The following MCTP2 variants were observed in gnomAD, a reference collection of about 807,000 sequenced individuals.
MCTP2 encodes multiple C2 and transmembrane domain-containing protein 2.
In MCTP2, 132 loss-of-function variants were observed where a neutral mutation model predicts 111.6. That is an observed-to-expected ratio of 1.18 (90% CI 1.03 to 1.37). MCTP2 has a LOEUF of 1.37. MCTP2 is among the 40% of genes most tolerant of loss of function. The pLI is 0.00. For missense variants in MCTP2, 1,183 were observed against 1,067.9 expected (o/e 1.11, Z -1.50); for synonymous variants, 395 against 387.7 (o/e 1.02, Z -0.22).
At chr15:94,463,474 T>C (rs1321666901) in intron 20 of MCTP2, among the ~76,000 whole-genome samples, 1 of 152,194 alleles carries the variant, frequency 6.6e-6, no homozygotes, top group Non-Finnish European at 1.5e-5. Flanking sequence ...TAAACTTAGT[T>C]ATCTTATTTT....
chr15:94,439,798 G>A (rs981420426), intron 17 of MCTP2, among the ~76,000 whole-genome samples: 1 of 152,292 alleles, frequency 6.6e-6, no homozygotes, highest in Admixed American at 6.5e-5. Context: ...AATATTGGCA[G>A]CCAACTGAAA....
At chr15:94,462,164 G>A (rs2085255903) in intron 20 of MCTP2, among the ~76,000 whole-genome samples, 2 of 152,230 alleles carry the variant, frequency 1.3e-5, no homozygotes, top group Non-Finnish European at 2.9e-5. Flanking sequence ...GGGGCAGCCA[G>A]TTGGGGGAGG....
chr15:94,398,111 T>A (rs1220279447), intron 14 of MCTP2, among the ~76,000 whole-genome samples: 9 of 152,228 alleles, frequency 5.9e-5, no homozygotes, highest in Admixed American at 5.9e-4. Flanking sequence ...GACTACTGTA[T>A]GGAACTGATG....
At chr15:94,256,074 A>G (rs1211119615) in intron 1 of MCTP2, among the ~76,000 whole-genome samples, 1 of 152,190 alleles carries the variant, frequency 6.6e-6, no homozygotes, top group Non-Finnish European at 1.5e-5. Context: ...AACCTGAACT[A>G]CAAAATGTTG....
At chr15:94,464,239 A>ATAAT (rs1491418827) in intron 20 of MCTP2, among the ~76,000 whole-genome samples, 2 of 89,340 alleles carry the variant, frequency 2.2e-5, no homozygotes, top group East Asian at 2.6e-4. Flanking sequence ...TTATATATAT[A>ATAAT]ATATATATAT....
intron 12 of MCTP2, among the ~76,000 whole-genome samples, chr15:94,381,515 G>A (rs2080136049): frequency 6.6e-6 from 1 of 152,188 alleles, no homozygotes; most frequent in Non-Finnish European, 1.5e-5. Context: ...CACAGAACGA[G>A]CCCACCTGTG....
intron 16 of MCTP2, 124 bp from the exon 17 acceptor site, chr15:94,401,773 CTAT>C (rs1418675290): frequency 4.9e-6 from 3 of 609,760 alleles, no homozygotes; most frequent in African/African-American, 1.9e-5. Flanking sequence ...CTTCTCCTTT[CTAT>C]TATTATCATA....
intron 21 of MCTP2, among the ~76,000 whole-genome samples, 191 bp downstream of exon 21, chr15:94,470,633 T>TA (rs2073844367): frequency 6.6e-6 from 1 of 152,218 alleles, no homozygotes; most frequent in African/African-American, 2.4e-5. Context: ...TCAGCATAGA[T>TA]ATTTATAGGC....
intron 12 of MCTP2, among the ~76,000 whole-genome samples, chr15:94,378,916 T>A (rs2079934931): frequency 6.6e-6 from 1 of 152,196 alleles, no homozygotes; most frequent in East Asian, 1.9e-4. Context: ...CATTAAGCAG[T>A]TGTTGAATAT....
intron 21 of MCTP2, 62 bp from the exon 22 acceptor site, chr15:94,476,631 GATA>G: frequency 3.6e-6 from 3 of 829,128 alleles, no homozygotes. Context: ...TAGATAGATA[GATA>G]GATAGATAGA....
At chr15:94,424,304 A>G (rs1490385916) in intron 17 of MCTP2, among the ~76,000 whole-genome samples, 1 of 150,320 alleles carries the variant, frequency 6.7e-6, no homozygotes, top group Non-Finnish European at 1.5e-5. Flanking sequence ...GGATATTTTC[A>G]TTTTGTTTTT....
intron 17 of MCTP2, among the ~76,000 whole-genome samples, chr15:94,438,797 G>A (rs184058859): frequency 3.9e-5 from 6 of 152,154 alleles, no homozygotes; most frequent in African/African-American, 1.2e-4. Context: ...TAAATTTTCT[G>A]GTATTAAAAA....
chr15:94,293,002 A>G (rs1255277663), intron 1 of MCTP2: 1 of 152,170 alleles, frequency 6.6e-6, no homozygotes, highest in Non-Finnish European at 1.5e-5. Context: ...ATGACATTGG[A>G]AAAAATTATT....
intron 19 of MCTP2, among the ~76,000 whole-genome samples, chr15:94,454,762 CAT>C (rs925315368): frequency 2.0e-5 from 3 of 151,918 alleles, no homozygotes; most frequent in African/African-American, 7.3e-5. Flanking sequence ...ACGAAAGCAA[CAT>C]ATAAAAGGTC....
intron 17 of MCTP2, among the ~76,000 whole-genome samples, chr15:94,424,424 A>G (rs533325777): frequency 6.6e-6 from 1 of 152,224 alleles, no homozygotes; most frequent in East Asian, 1.9e-4. Flanking sequence ...AGGTGCCTGG[A>G]GGGCAGCATC....
At chr15:94,467,425 T>TATATCAATTATAAAAAC (rs2073463460) in intron 20 of MCTP2, among the ~76,000 whole-genome samples, 4 of 27,380 alleles carry the variant, frequency 1.5e-4, no homozygotes, top group African/African-American at 7.9e-4. Flanking sequence ...TTTATTATAA[T>TATATCAATTATAAAAAC]AATCAAATAT....
At position 94,315,582 on chromosome 15, in the gene MCTP2, C is replaced by T. The variant is rs374591712; in HGVS notation, c.582C>T (p.Tyr194=). The change falls in exon 4 of 23, where the codon TAC becomes TAT. Residue 194 remains tyrosine (Y), a synonymous_variant. Transcript: ENST00000357742. ...GLSNLPSPFA[Y]LLTIHLKEGR... is the part of the protein sequence containing the mutation. ...GTAACCTCCCCAGCCCTTTTGCGTA[C>T]CTCCTCACCATACACCTGAAGGAAG... 7 of 1,614,046 alleles carry T rather than the reference C, an allele frequency of 4.3e-6. No homozygotes were observed. The highest frequency in any genetic ancestry group is 4.0e-5 in the African/African-American group (3 of 74,924).
At chr15:94,329,819 G>A (rs1209608748) in intron 4 of MCTP2, among the ~76,000 whole-genome samples, 1 of 152,108 alleles carries the variant, frequency 6.6e-6, no homozygotes, top group Non-Finnish European at 1.5e-5. Context: ...TGTGGTAAGA[G>A]CACTTAAAAT....
At chr15:94,395,314 A>G (rs1329677020) in intron 14 of MCTP2, among the ~76,000 whole-genome samples, 4 of 152,234 alleles carry the variant, frequency 2.6e-5, no homozygotes, top group Non-Finnish European at 5.9e-5. Context: ...TTTATACGCA[A>G]CATCCTCAGT....
Sources: allele counts gnomAD v4.1 joint callset (sites outside exome capture counted in the v4.1 genomes callset), GRCh38; gene constraint gnomAD v4.1.1; transcripts MANE v1.5; gene names NCBI Gene and HGNC (gene_info 2026-07-23, HGNC 2026-07-21).